The following CPVL variants were observed in gnomAD, a reference collection of about 807,000 sequenced individuals.
CPVL encodes the protein probable serine carboxypeptidase CPVL.
CPVL carries 51 observed loss-of-function variants against 63.7 expected under a neutral mutation model. The observed-to-expected ratio is 0.80, with a 90% confidence interval of 0.64 to 1.01. CPVL has a LOEUF of 1.01. Ranked by LOEUF, CPVL falls within the 50% of genes least tolerant of loss-of-function variation. The pLI is 0.00. For synonymous variants in CPVL, 195 were observed against 206.0 expected, an observed-to-expected ratio of 0.95 and a Z score of 0.46; for missense variants, 530 against 573.1, an observed-to-expected ratio of 0.92 and a Z score of 0.77.
At chr7:29,102,728 C>T (rs991784100) in intron 3 of CPVL, among the ~76,000 whole-genome samples, 1 of 151,906 alleles carries the variant, frequency 6.6e-6, no homozygotes, top group African/African-American at 2.4e-5. Context: ...GAAGCCCTTT[C>T]GATTCTTCTG....
chr7:29,133,413 ATTC>A (rs1417150684), intron 1 of CPVL, among the ~76,000 whole-genome samples: 1 of 152,202 alleles, frequency 6.6e-6, no homozygotes, highest in East Asian at 1.9e-4. Context: ...ATCTTCTAAA[ATTC>A]TTCTAGAAGT....
intron 5 of CPVL, among the ~76,000 whole-genome samples, chr7:29,174,122 G>T (rs1226130929): frequency 6.6e-6 from 1 of 152,094 alleles, no homozygotes; most frequent in African/African-American, 2.4e-5. Context: ...CAGGGCAAAA[G>T]GCTGGAGAGA....
chr7:29,003,566 A>G (rs1302226874), intron 12 of CPVL, among the ~76,000 whole-genome samples: 1 of 152,248 alleles, frequency 6.6e-6, no homozygotes, highest in Non-Finnish European at 1.5e-5. Context: ...ATATGTGAAC[A>G]CAAGTAAGGA....
chr7:29,154,426 A>G (rs1268631388), intron 5 of CPVL, among the ~76,000 whole-genome samples: 1 of 152,156 alleles, frequency 6.6e-6, no homozygotes, highest in Non-Finnish European at 1.5e-5. Context: ...GTTCCTGCCA[A>G]ACTCAGCAGG....
intron 2 of CPVL, among the ~76,000 whole-genome samples, chr7:29,117,771 T>A (rs953442243): frequency 6.6e-6 from 1 of 152,230 alleles, no homozygotes; most frequent in Non-Finnish European, 1.5e-5. Context: ...CTACATGAGC[T>A]AATGGATGTA....
chr7:29,167,815 T>A (rs937318503), intron 5 of CPVL, among the ~76,000 whole-genome samples: 1 of 152,232 alleles, frequency 6.6e-6, no homozygotes, highest in Non-Finnish European at 1.5e-5. Context: ...TAAATCCTTG[T>A]TATGAGTGAG....
intron 9 of CPVL, among the ~76,000 whole-genome samples, chr7:29,067,935 C>T (rs1021321827): frequency 1.3e-5 from 2 of 152,034 alleles, no homozygotes; most frequent in Admixed American, 1.3e-4. Flanking sequence ...GCCTGCAATG[C>T]TTCCTACTTG....
chr7:29,179,423 C>G (rs1264544564), intron 5 of CPVL, among the ~76,000 whole-genome samples: 1 of 152,226 alleles, frequency 6.6e-6, no homozygotes, highest in Non-Finnish European at 1.5e-5. Context: ...CACAGAAACT[C>G]AGGCTGAAGT....
At chr7:29,091,749 G>C (rs923157808) in intron 6 of CPVL, among the ~76,000 whole-genome samples, 99 of 152,286 alleles carry the variant, frequency 6.5e-4, no homozygotes, top group African/African-American at 2.4e-3. Context: ...TTGGGAAAGG[G>C]GCTTGGAAGT....
At chr7:29,130,995 C>A (rs1044834291) in intron 1 of CPVL, among the ~76,000 whole-genome samples, 10 of 152,082 alleles carry the variant, frequency 6.6e-5, no homozygotes, top group Non-Finnish European at 1.2e-4. Flanking sequence ...AATCTCATGG[C>A]AAAGTCAGTG....
intron 3 of CPVL, among the ~76,000 whole-genome samples, chr7:29,111,221 T>C (rs78303024): frequency 6.6e-6 from 1 of 152,354 alleles, no homozygotes; most frequent in East Asian, 1.9e-4. Context: ...AGATATGATA[T>C]AAAAAATGCA....
In CPVL at chr7:29,146,461, G is replaced by A; in HGVS notation, c.-43C>T. On this transcript the variant is annotated 5_prime_UTR_variant, in exon 1 of 13. Coordinates refer to ENST00000265394, the MANE Select transcript of CPVL (RefSeq NM_031311.5). ...AGTCGGTGCTCCTCCCTGAGCCGCG[G>A]CGCGCAAGGACCCCAGCCGGTTGTC... 1 of 1,394,414 alleles carries A rather than the reference G, an allele frequency of 7.2e-7. No individual in the cohort carries two copies. Among genetic ancestry groups the A allele is most frequent in the East Asian group, 2.5e-5 (1 of 39,586 alleles). 86.4% of individuals were successfully genotyped at this position (1,394,414 alleles called of 1,614,324 possible).
At chr7:29,087,920 T>A (rs1365557728) in intron 6 of CPVL, among the ~76,000 whole-genome samples, 3 of 152,234 alleles carry the variant, frequency 2.0e-5, no homozygotes, top group African/African-American at 7.2e-5. Flanking sequence ...GAAGCTGCAT[T>A]TTATAGCTTC....
intron 12 of CPVL, among the ~76,000 whole-genome samples, chr7:29,022,722 T>C (rs1787127550): frequency 6.6e-6 from 1 of 152,148 alleles, no homozygotes; most frequent in Non-Finnish European, 1.5e-5. Flanking sequence ...CACACACCAT[T>C]GAGGGGCCTG....
chr7:29,052,434 C>A (rs1436804220), intron 11 of CPVL, among the ~76,000 whole-genome samples: 3 of 64,468 alleles, frequency 4.7e-5, no homozygotes, highest in East Asian at 3.1e-4. Flanking sequence ...AATGAAGATT[C>A]AGTTCCAAAA....
chr7:29,073,633 C>A (rs1183423237), intron 7 of CPVL, among the ~76,000 whole-genome samples: 1 of 152,144 alleles, frequency 6.6e-6, no homozygotes, highest in Non-Finnish European at 1.5e-5. Context: ...CTCACAGGCC[C>A]CCATATGGCA....
At chr7:29,186,223 C>A (rs1050712847) in intron 2 of CPVL, among the ~76,000 whole-genome samples, 1 of 151,752 alleles carries the variant, frequency 6.6e-6, no homozygotes, top group Non-Finnish European at 1.5e-5. Flanking sequence ...TTCCCCAGAG[C>A]CTGGCCTGCC....
intron 7 of CPVL, among the ~76,000 whole-genome samples, chr7:29,075,956 G>GTTTTTTGTTT (rs1554335830): frequency 1.8e-5 from 2 of 110,306 alleles, no homozygotes; most frequent in African/African-American, 6.9e-5. Context: ...TGTTGAGATA[G>GTTTTTTGTTT]TTTTTTTTTT....
At chr7:29,104,323 A>G (rs941889736) in intron 3 of CPVL, among the ~76,000 whole-genome samples, 3 of 152,118 alleles carry the variant, frequency 2.0e-5, no homozygotes, top group Non-Finnish European at 4.4e-5. Context: ...GTGCAATGGC[A>G]CGACTTGGCT....
Sources: gnomAD v4.1 joint callset for allele counts (sites outside exome capture counted in the v4.1 genomes callset) on GRCh38, gnomAD v4.1.1 for gene constraint, MANE v1.5 for transcripts, NCBI Gene and HGNC (gene_info 2026-07-23, HGNC 2026-07-21) for gene names.